Variants in AP4S1 observed in about 807,000 individuals in gnomAD.
The protein encoded by AP4S1 is adaptor related protein complex 4 subunit sigma 1.
AP4S1 carries 23 observed loss-of-function variants against 19.8 expected under a neutral mutation model. That is an observed-to-expected ratio of 1.16 (90% CI 0.84 to 1.65). The LOEUF (loss-of-function observed/expected upper bound fraction) is 1.65, where lower values mean the gene tolerates loss of function less well. Ranked by LOEUF, AP4S1 falls within the 40% of genes most tolerant of loss-of-function variation. AP4S1 has a pLI of 0.00. For synonymous variants in AP4S1, 46 were observed against 54.1 expected (o/e 0.85, Z 0.66); for missense variants, 166 against 172.8 (o/e 0.96, Z 0.22).
chr14:31,056,091 C>T (rs536514121), intron 1 of AP4S1, among the ~76,000 whole-genome samples: 20 of 152,120 alleles, frequency 1.3e-4, no homozygotes, highest in Non-Finnish European at 2.4e-4. Flanking sequence ...GTGATCTGCC[C>T]GCCTCGGCCT....
intron 5 of AP4S1, among the ~76,000 whole-genome samples, chr14:31,092,453 G>C (rs981289066): frequency 2.0e-5 from 3 of 152,252 alleles, no homozygotes; most frequent in Admixed American, 1.3e-4. Context: ...GGTAAACTGA[G>C]GATAATATGT....
intron 1 of AP4S1, among the ~76,000 whole-genome samples, chr14:31,033,763 A>G (rs1302992443): frequency 6.6e-6 from 1 of 152,228 alleles, no homozygotes; most frequent in Non-Finnish European, 1.5e-5. Context: ...TTTGGATAAT[A>G]TTCTGTGAGG....
intron 5 of AP4S1, chr14:31,085,290 C>T (rs754135443): frequency 1.5e-4 from 155 of 1,007,870 alleles, no homozygotes; most frequent in Non-Finnish European, 1.8e-4. Context: ...TCTCCTCCAC[C>T]TTCACCCCAA....
At chr14:31,084,782 A>T in intron 5 of AP4S1, 1 of 1,614,170 alleles carries the variant, frequency 6.2e-7, no homozygotes. Context: ...CCAATTGATG[A>T]ACTTCCCAAA....
At chr14:31,044,666 A>T (rs1885289471) in intron 1 of AP4S1, among the ~76,000 whole-genome samples, 1 of 151,942 alleles carries the variant, frequency 6.6e-6, no homozygotes, top group African/African-American at 2.4e-5. Flanking sequence ...TTCTAAAAAA[A>T]AAAAATTTGT....
intron 1 of AP4S1, among the ~76,000 whole-genome samples, chr14:31,041,075 C>CAA (rs201251571): frequency 7.5e-4 from 94 of 126,114 alleles, no homozygotes; most frequent in African/African-American, 1.7e-3. Flanking sequence ...GACTCCATCT[C>CAA]AAAAAAAAAA....
At chr14:31,081,061 G>T (rs1887614654) in intron 5 of AP4S1, among the ~76,000 whole-genome samples, 1 of 152,122 alleles carries the variant, frequency 6.6e-6, no homozygotes, top group African/African-American at 2.4e-5. Context: ...CAAAGTGCTG[G>T]GATTACAGGC....
intron 1 of AP4S1, 62 bp downstream of exon 1, chr14:31,025,849 C>A (rs1883840853): frequency 3.2e-6 from 5 of 1,561,012 alleles, no homozygotes; most frequent in South Asian, 1.2e-5. Context: ...CAGCCCCACC[C>A]CCCGGCCGGG....
At chr14:31,053,074 G>A (rs928430938) in intron 1 of AP4S1, among the ~76,000 whole-genome samples, 13 of 151,026 alleles carry the variant, frequency 8.6e-5, no homozygotes, top group Non-Finnish European at 1.5e-4. Flanking sequence ...CCAAGTAGCT[G>A]GGATTATAGG....
rs1356562762 is a variant in AP4S1, at chr14:31,066,514, G to A, written c.138+180G>A. 3.3e-5 allele frequency among the ~76,000 whole-genome samples: 5 copies of A among 152,110 alleles called. No homozygotes were observed. In the East Asian group the frequency reaches 9.6e-4, roughly 29 times the overall value. On this transcript the variant is annotated intron_variant, in intron 2 of 5. Coordinates refer to ENST00000542754, the MANE Select transcript of AP4S1 (RefSeq NM_001128126.3). Reference sequence around the variant, plus strand: ...CATAGCTCTCTTTACATCCCTTTAAGAAAACAAAAACAAGGAAAACCTGGA... The same window carrying A: ...CATAGCTCTCTTTACATCCCTTTAAAAAAACAAAAACAAGGAAAACCTGGA...
chr14:31,047,451 G>C (rs1377774310), intron 1 of AP4S1, among the ~76,000 whole-genome samples: 1 of 148,688 alleles, frequency 6.7e-6, no homozygotes, highest in Non-Finnish European at 1.5e-5. Flanking sequence ...GCAGTGGCGC[G>C]ATCTTGACTC....
intron 1 of AP4S1, among the ~76,000 whole-genome samples, chr14:31,039,255 G>A (rs1487007908): frequency 3.3e-5 from 5 of 151,470 alleles, no homozygotes; most frequent in Middle Eastern, 3.2e-3. Flanking sequence ...GCGTGCTCTC[G>A]GCTCACTGCA....
intron 5 of AP4S1, among the ~76,000 whole-genome samples, chr14:31,082,817 A>AC (rs1269403302): frequency 5.3e-5 from 8 of 150,890 alleles, no homozygotes; most frequent in Non-Finnish European, 1.0e-4. Flanking sequence ...AATGGCGTGA[A>AC]CCCGGGAGGC....
intron 5 of AP4S1, among the ~76,000 whole-genome samples, chr14:31,084,503 A>G (rs952961459): frequency 4.6e-5 from 7 of 152,238 alleles, no homozygotes; most frequent in Non-Finnish European, 1.0e-4. Context: ...GGCTTGTTGA[A>G]AAGCCTTCCA....
chr14:31,084,955 C>A, intron 5 of AP4S1: 1 of 1,609,118 alleles, frequency 6.2e-7, no homozygotes, highest in Non-Finnish European at 8.5e-7. Context: ...TCAGTGCGTA[C>A]CTGCTCTACG....
chr14:31,080,831 G>T (rs1047914863), intron 5 of AP4S1, among the ~76,000 whole-genome samples: 1 of 152,082 alleles, frequency 6.6e-6, no homozygotes, highest in Non-Finnish European at 1.5e-5. Context: ...GCCCAGGCTG[G>T]AGTGCAATGG....
chr14:31,048,762 C>T (rs894159376), intron 1 of AP4S1, among the ~76,000 whole-genome samples: 42 of 152,044 alleles, frequency 2.8e-4, no homozygotes, highest in African/African-American at 7.5e-4. Flanking sequence ...AATCTAGCCA[C>T]GTGCTGGTAA....
At chr14:31,051,210 T>G (rs937559848) in intron 1 of AP4S1, among the ~76,000 whole-genome samples, 3 of 151,188 alleles carry the variant, frequency 2.0e-5, no homozygotes, top group Admixed American at 6.6e-5. Flanking sequence ...GAGCCATGTT[T>G]GCACCACTGC....
Position 31,030,779 on chromosome 14 carries a change from A to G in AP4S1, c.-72+4992A>G, listed in dbSNP as rs565287511. Among the ~76,000 whole-genome samples, 6 of 152,274 alleles carry G rather than the reference A, an allele frequency of 3.9e-5. No homozygotes were observed. In the East Asian group the frequency reaches 1.2e-3, roughly 29 times the overall value. ...AGAGTTTCTAGTCTAATTTTAGGCA[A>G]ATACTTAGCACCAACCACTCTGGCT... On this transcript the variant is annotated intron_variant, in intron 1 of 5. Coordinates refer to ENST00000542754, the MANE Select transcript of AP4S1 (RefSeq NM_001128126.3).
Sources: gnomAD v4.1 joint callset for allele counts (sites outside exome capture counted in the v4.1 genomes callset) on GRCh38, gnomAD v4.1.1 for gene constraint, MANE v1.5 for transcripts, NCBI Gene and HGNC (gene_info 2026-07-23, HGNC 2026-07-21) for gene names.